PRR16: variants seen among roughly 807,000 people sequenced by gnomAD.
The protein encoded by PRR16 is protein Largen.
A neutral mutation model predicts 18.2 loss-of-function variants in PRR16; 6 were observed. The ratio of observed to expected loss-of-function variants is 0.33; its 90% CI spans 0.18 to 0.65. PRR16 has a LOEUF of 0.65. Ranked by LOEUF, PRR16 falls within the 30% of genes least tolerant of loss-of-function variation. PRR16 has a pLI of 0.74. For missense variants in PRR16, 412 were observed against 376.6 expected, an observed-to-expected ratio of 1.09 and a Z score of -0.78; for synonymous variants, 151 against 147.8, an observed-to-expected ratio of 1.02 and a Z score of -0.16.
chr5:120,720,943 G>A, the PRR16 span, among the ~76,000 whole-genome samples: 2 of 151,858 alleles, frequency 1.3e-5, no homozygotes, highest in African/African-American at 4.8e-5. Flanking sequence ...GAGAACTATG[G>A]TAATCTTTCA....
At chr5:120,493,443 C>T (rs1393126815) in intron 1 of PRR16, among the ~76,000 whole-genome samples, 6 of 151,964 alleles carry the variant, frequency 3.9e-5, no homozygotes, top group Non-Finnish European at 2.9e-5. Context: ...TAAGTTGATA[C>T]TGTTTATTTT....
At chr5:120,535,919 A>T (rs1751703078) in intron 1 of PRR16, among the ~76,000 whole-genome samples, 1 of 152,230 alleles carries the variant, frequency 6.6e-6, no homozygotes, top group South Asian at 2.1e-4. Flanking sequence ...CCTGGGCAAT[A>T]TAGTGAGATT....
the PRR16 span, among the ~76,000 whole-genome samples, chr5:120,713,383 G>A: frequency 6.6e-6 from 1 of 151,838 alleles, no homozygotes; most frequent in East Asian, 1.9e-4. Flanking sequence ...AGAACATCCT[G>A]ACTAATCCAG....
intron 1 of PRR16, among the ~76,000 whole-genome samples, chr5:120,492,573 T>C (rs903244482): frequency 1.3e-5 from 2 of 152,178 alleles, no homozygotes; most frequent in African/African-American, 4.8e-5. Context: ...TGTTTTACTT[T>C]TTAAAATTTC....
intron 1 of PRR16, among the ~76,000 whole-genome samples, chr5:120,535,728 A>C (rs1297152263): frequency 2.0e-5 from 3 of 152,108 alleles, no homozygotes; most frequent in African/African-American, 7.2e-5. Flanking sequence ...TGAGTCTGGG[A>C]GGCGGAGGTT....
At chr5:120,580,515 T>C (rs112166711) in intron 1 of PRR16, among the ~76,000 whole-genome samples, 8,346 of 147,574 alleles carry the variant, frequency 0.057, 304 homozygotes, top group South Asian at 0.082. Flanking sequence ...AGTGCAGTGG[T>C]GCGATCTCGG....
the PRR16 span, among the ~76,000 whole-genome samples, chr5:120,732,558 CTA>C: frequency 6.6e-6 from 1 of 152,124 alleles, no homozygotes; most frequent in Admixed American, 6.5e-5. Flanking sequence ...GAAACTATAA[CTA>C]TGTTTTTAAA....
chr5:120,753,465 A>G, the PRR16 span, among the ~76,000 whole-genome samples: 1 of 151,910 alleles, frequency 6.6e-6, no homozygotes, highest in African/African-American at 2.4e-5. Context: ...TTGCTTGAAT[A>G]AATTTAGAAA....
At chr5:120,670,759 T>C (rs1201465541) in intron 1 of PRR16, among the ~76,000 whole-genome samples, 2 of 152,188 alleles carry the variant, frequency 1.3e-5, no homozygotes, top group African/African-American at 4.8e-5. Context: ...AAACTTGGTA[T>C]TCTCAAGTTG....
the PRR16 span, among the ~76,000 whole-genome samples, chr5:120,714,646 C>A: frequency 6.6e-6 from 1 of 152,032 alleles, no homozygotes; most frequent in African/African-American, 2.4e-5. Flanking sequence ...TGCATATATA[C>A]CCAAAGGAAT....
At chr5:120,748,267 T>C in the PRR16 span, among the ~76,000 whole-genome samples, 1 of 152,126 alleles carries the variant, frequency 6.6e-6, no homozygotes, top group African/African-American at 2.4e-5. Flanking sequence ...GATTTTTAAA[T>C]AGACAAGATT....
the PRR16 span, among the ~76,000 whole-genome samples, chr5:120,775,849 T>A: frequency 2.0e-5 from 3 of 149,102 alleles, no homozygotes; most frequent in Non-Finnish European, 4.4e-5. Context: ...GGTTTCACCA[T>A]GTTGTCCAGG....
chr5:120,743,565 A>T, the PRR16 span, among the ~76,000 whole-genome samples: 1 of 152,080 alleles, frequency 6.6e-6, no homozygotes, highest in Admixed American at 6.5e-5. Context: ...ATGGTAAGGA[A>T]CTTTGCAAAC....
chr5:120,664,303 GAAAAC>G (rs150667184), intron 1 of PRR16, among the ~76,000 whole-genome samples: 20 of 149,564 alleles, frequency 1.3e-4, no homozygotes, highest in Non-Finnish European at 3.0e-4. Context: ...TGTCTCAAAA[GAAAAC>G]AAAACAAAAC....
intron 1 of PRR16, among the ~76,000 whole-genome samples, chr5:120,623,005 T>C (rs1466878000): frequency 1.3e-5 from 2 of 152,256 alleles, no homozygotes; most frequent in East Asian, 1.9e-4. Context: ...TAGGGATTAA[T>C]TTATGAATTT....
intron 1 of PRR16, among the ~76,000 whole-genome samples, chr5:120,616,705 C>T (rs957369185): frequency 1.3e-5 from 2 of 152,120 alleles, no homozygotes; most frequent in African/African-American, 4.8e-5. Context: ...ATATTAATAA[C>T]TCATTGGGCT....
chr5:120,742,445 G>A, the PRR16 span, among the ~76,000 whole-genome samples: 1 of 151,086 alleles, frequency 6.6e-6, no homozygotes, highest in Admixed American at 6.6e-5. Flanking sequence ...TCTTCATTAT[G>A]TATTTTTTAA....
intron 1 of PRR16, among the ~76,000 whole-genome samples, chr5:120,557,896 A>G (rs1024259655): frequency 1.3e-5 from 2 of 151,852 alleles, no homozygotes; most frequent in Non-Finnish European, 1.5e-5. Context: ...AAATATTTCA[A>G]ATTTGGAGAG....
chr5:120,540,958 G>C (rs1580704021), intron 1 of PRR16, among the ~76,000 whole-genome samples: 1 of 152,246 alleles, frequency 6.6e-6, no homozygotes, highest in East Asian at 1.9e-4. Flanking sequence ...TAGGCACCTG[G>C]AACAGTGCCA....
Sources: gnomAD v4.1 joint callset for allele counts (sites outside exome capture counted in the v4.1 genomes callset) on GRCh38, gnomAD v4.1.1 for gene constraint, MANE v1.5 for transcripts, NCBI Gene and HGNC (gene_info 2026-07-23, HGNC 2026-07-21) for gene names.